GTF2A1L: variants seen among roughly 807,000 people sequenced by gnomAD.
GTF2A1L encodes the protein general transcription factor IIA subunit 1 like, also known as TFIIA-alpha and beta-like factor.
A neutral mutation model predicts 49.7 loss-of-function variants in GTF2A1L; 48 were observed. The observed-to-expected ratio is 0.97, with a 90% CI of 0.77 to 1.23. GTF2A1L has a LOEUF of 1.23. Ranked by LOEUF, GTF2A1L falls within the 50% of genes most tolerant of loss-of-function variation. GTF2A1L has a pLI of 0.00. For missense variants in GTF2A1L, 736 were observed against 564.8 expected (o/e 1.30, Z -3.07); for synonymous variants, 246 against 193.5 (o/e 1.27, Z -2.25).
At chr2:48,669,552 A>C (rs1180968085) in intron 6 of GTF2A1L, among the ~76,000 whole-genome samples, 170 bp from the exon 7 acceptor site, 8 of 152,190 alleles carry the variant, frequency 5.3e-5, no homozygotes, top group Admixed American at 5.2e-4. Context: ...TTCCTATGTT[A>C]CATAGAAATG....
intron 1 of GTF2A1L, among the ~76,000 whole-genome samples, chr2:48,620,258 A>G (rs553454760): frequency 4.6e-5 from 7 of 152,350 alleles, no homozygotes; most frequent in Middle Eastern, 3.4e-3. Flanking sequence ...TAACATGACA[A>G]TAACCATGCA....
chr2:48,675,138 A>T (rs541463939), intron 8 of GTF2A1L, among the ~76,000 whole-genome samples: 72 of 152,314 alleles, frequency 4.7e-4, no homozygotes, highest in Non-Finnish European at 8.7e-4. Flanking sequence ...AAGAACTTTC[A>T]GTAGTCTCTT....
chr2:48,671,474 G>A, intron 7 of GTF2A1L, 117 bp from the exon 8 acceptor site: 1 of 1,036,374 alleles, frequency 9.6e-7, no homozygotes, highest in Non-Finnish European at 1.4e-6. Context: ...GTAGTGCTGG[G>A]ATTATAGGAA....
At chr2:48,677,215 A>C (rs1679514006) in intron 8 of GTF2A1L, among the ~76,000 whole-genome samples, 1 of 151,960 alleles carries the variant, frequency 6.6e-6, no homozygotes, top group Admixed American at 6.6e-5. Context: ...CTCCAGAATC[A>C]ACTTGTCTGG....
intron 6 of GTF2A1L, 23 bp from the exon 7 acceptor site, chr2:48,669,699 A>G (rs896398045): frequency 6.3e-7 from 1 of 1,590,304 alleles, no homozygotes; most frequent in Non-Finnish European, 8.6e-7. Flanking sequence ...CTTGAACTTT[A>G]TTGTATTTCT....
intron 3 of GTF2A1L, among the ~76,000 whole-genome samples, chr2:48,640,761 G>C (rs1016551231): frequency 6.6e-5 from 10 of 152,174 alleles, no homozygotes; most frequent in Non-Finnish European, 1.5e-4. Flanking sequence ...TTTAGTTTGA[G>C]TAAAAATATA....
At chr2:48,624,598 G>C (rs1251244879) in intron 3 of GTF2A1L, among the ~76,000 whole-genome samples, 5 of 143,826 alleles carry the variant, frequency 3.5e-5, no homozygotes, top group African/African-American at 1.2e-4. Context: ...AAAATCCCAA[G>C]TGCAGCACAA....
At chr2:48,655,516 GA>G (rs1678121433) in intron 6 of GTF2A1L, among the ~76,000 whole-genome samples, 1 of 151,798 alleles carries the variant, frequency 6.6e-6, no homozygotes, top group South Asian at 2.1e-4. Flanking sequence ...TTAAAAGGTA[GA>G]AAAAACTGAA....
chr2:48,629,253 AG>A (rs1277932202), intron 3 of GTF2A1L, among the ~76,000 whole-genome samples: 1 of 143,750 alleles, frequency 7.0e-6, no homozygotes, highest in Non-Finnish European at 1.6e-5. Context: ...AAAAAAAAAA[AG>A]TGACTTTATT....
chr2:48,675,292 G>T (rs540850017), intron 8 of GTF2A1L, among the ~76,000 whole-genome samples: 2 of 152,064 alleles, frequency 1.3e-5, no homozygotes, highest in Non-Finnish European at 2.9e-5. Flanking sequence ...TGAGTCCCAC[G>T]CCAGAGTACT....
chr2:48,631,985 C>G (rs7566301), intron 3 of GTF2A1L, among the ~76,000 whole-genome samples: 132,716 of 152,212 alleles, frequency 0.87, 58,318 homozygotes, highest in East Asian at 1. Flanking sequence ...TCTTGGTATA[C>G]ATTTGTTTTT....
intron 1 of GTF2A1L, among the ~76,000 whole-genome samples, chr2:48,619,412 G>C (rs1039923726): frequency 6.6e-6 from 1 of 151,542 alleles, no homozygotes; most frequent in East Asian, 1.9e-4. Flanking sequence ...AGATGTTGCA[G>C]TGGGCCCAGA....
At chr2:48,671,527 T>C in intron 7 of GTF2A1L, 64 bp from the exon 8 acceptor site, 1 of 1,534,422 alleles carries the variant, frequency 6.5e-7, no homozygotes, top group Non-Finnish European at 8.9e-7. Flanking sequence ...TCTATATGTC[T>C]CTTTATCTTT....
intron 3 of GTF2A1L, among the ~76,000 whole-genome samples, chr2:48,622,216 A>G (rs1558695148): frequency 6.6e-6 from 1 of 152,258 alleles, no homozygotes; most frequent in Non-Finnish European, 1.5e-5. Context: ...GAGAATTTAC[A>G]TGTGGCAGCA....
intron 3 of GTF2A1L, among the ~76,000 whole-genome samples, chr2:48,634,500 T>C (rs971722831): frequency 1.5e-4 from 23 of 152,216 alleles, no homozygotes; most frequent in Non-Finnish European, 2.6e-4. Flanking sequence ...GGTCTGTTTA[T>C]AGGCCTAAGT....
chr2:48,677,818 T>C (rs1408748886), intron 8 of GTF2A1L, among the ~76,000 whole-genome samples: 1 of 152,014 alleles, frequency 6.6e-6, no homozygotes, highest in Non-Finnish European at 1.5e-5. Flanking sequence ...CACTTACTGA[T>C]GGATCTGGAT....
At chr2:48,667,905 A>G (rs1160830499) in intron 6 of GTF2A1L, among the ~76,000 whole-genome samples, 4 of 152,190 alleles carry the variant, frequency 2.6e-5, no homozygotes, top group Admixed American at 1.3e-4. Context: ...ATGACTTGCA[A>G]ACTCAGAAGA....
At chr2:48,668,422 T>G (rs1678966067) in intron 6 of GTF2A1L, 1 of 152,176 alleles carries the variant, frequency 6.6e-6, no homozygotes, top group African/African-American at 2.4e-5. Flanking sequence ...CTGAAGCATA[T>G]ATAATCATAT....
chr2:48,634,194 C>G (rs1322910020), intron 3 of GTF2A1L, among the ~76,000 whole-genome samples: 1 of 152,144 alleles, frequency 6.6e-6, no homozygotes, highest in African/African-American at 2.4e-5. Flanking sequence ...CTCACTGTAA[C>G]CTTCGTCTCC....
Sources: gnomAD v4.1 joint callset for allele counts (sites outside exome capture counted in the v4.1 genomes callset) on GRCh38, gnomAD v4.1.1 for gene constraint, MANE v1.5 for transcripts, NCBI Gene and HGNC (gene_info 2026-07-23, HGNC 2026-07-21) for gene names.